The following HELB variants were observed in gnomAD, a reference collection of about 807,000 sequenced individuals.
HELB encodes DNA helicase B, also known as DNA 5'-3' helicase B.
HELB carries 96 observed loss-of-function variants against 101.7 expected under a neutral mutation model. The observed-to-expected ratio is 0.94, with a 90% CI of 0.80 to 1.12. The LOEUF (loss-of-function observed/expected upper bound fraction) is 1.12, where lower values mean the gene tolerates loss of function less well. Among genes scored for constraint, HELB ranks in the 50% most tolerant of loss-of-function variants. HELB has a pLI of 0.00. For missense variants in HELB, 1,210 were observed against 1,291.9 expected (o/e 0.94, Z 0.97); for synonymous variants, 437 against 459.7 (o/e 0.95, Z 0.63).
At chr12:66,330,364 G>GA (rs1218739434) in intron 11 of HELB, among the ~76,000 whole-genome samples, 3 of 151,570 alleles carry the variant, frequency 2.0e-5, no homozygotes, top group African/African-American at 7.2e-5. Context: ...ACAAGTAGGA[G>GA]AAAAAAAAGT....
In HELB at chr12:66,309,750, G is replaced by A; in HGVS notation, c.822G>A (p.Trp274Ter). ...AACTCCTGCGATGTGAGGCAAGTTG[G>A]ATAGCATTTTGTCAGTGTGAGTCTC... ...EWKLLRCEAS[W>*]IAFCQCESLL... Residue 274 changes from tryptophan (W) to a stop codon, truncating the protein, a stop_gained, in exon 4 of 13, where the codon TGG becomes TGA. Transcript: ENST00000247815. LOFTEE classifies it high-confidence loss of function. The A allele has an allele frequency of 6.2e-7, 1 of 1,613,486 alleles. No homozygotes were observed. The highest frequency in any genetic ancestry group is 1.1e-5 in the South Asian group (1 of 91,022).
At chr12:66,321,493 CAT>C (rs2053669931) in intron 7 of HELB, 1 of 159,218 alleles carries the variant, frequency 6.3e-6, no homozygotes, top group Non-Finnish European at 1.4e-5. Flanking sequence ...GCACCTACCA[CAT>C]GTGGGTGTCC....
intron 12 of HELB, among the ~76,000 whole-genome samples, chr12:66,333,124 G>A (rs190773560): frequency 5.1e-4 from 78 of 152,226 alleles, no homozygotes; most frequent in African/African-American, 1.2e-3. Flanking sequence ...CACCAGTGCC[G>A]GCTTTGTGGA....
In HELB at chr12:66,306,342, T is replaced by C. The variant is rs150847698; in HGVS notation, c.608-3T>C. The C allele has an allele frequency of 2.2e-5, 35 of 1,577,900 alleles. No homozygotes were observed. In the African/African-American group the frequency reaches 3.5e-4, roughly 16 times the overall value. On this transcript the variant is annotated splice_region_variant and splice_polypyrimidine_tract_variant and intron_variant, in intron 2 of 12. Transcript: ENST00000247815. ...TACTTTGTTCCTTTCTGATATCTTG[T>C]AGTTCCATTTAGAAATGTAATGACA...
At chr12:66,320,460 G>A (rs1460727882) in intron 7 of HELB, among the ~76,000 whole-genome samples, 1 of 152,132 alleles carries the variant, frequency 6.6e-6, no homozygotes, top group Non-Finnish European at 1.5e-5. Context: ...TCTTTTCACA[G>A]CTTAGTTAAT....
At chr12:66,304,495 C>T (rs373873574) in intron 1 of HELB, among the ~76,000 whole-genome samples, 1 of 152,080 alleles carries the variant, frequency 6.6e-6, no homozygotes, top group African/African-American at 2.4e-5. Flanking sequence ...ACTGTGCTTG[C>T]GTTTTGGAAT....
chr12:66,307,714 C>T (rs1054150131), intron 3 of HELB, among the ~76,000 whole-genome samples: 7 of 151,698 alleles, frequency 4.6e-5, no homozygotes, highest in Non-Finnish European at 1.0e-4. Context: ...TTCTTCCTTC[C>T]CTGCCACTAT....
rs1181610830 is a variant in HELB at position 66,338,160 on chromosome 12, C to A, written c.*58C>A. The A allele has an allele frequency of 3.0e-5, 30 of 1,007,930 alleles. No individual in the cohort carries two copies. Among genetic ancestry groups the A allele is most frequent in the Non-Finnish European group, 4.2e-5 (27 of 640,240 alleles). 62.4% of individuals were successfully genotyped at this position (1,007,930 alleles called of 1,614,324 possible). On this transcript the variant is annotated 3_prime_UTR_variant, in exon 13 of 13. Transcript: ENST00000247815. ...TTTCTATTGGAGACAAAATGAACAT[C>A]GTAACGTCAAAGTACCAAGATAAAA...
At chr12:66,312,406 A>G (rs2053555307) in intron 4 of HELB, among the ~76,000 whole-genome samples, 1 of 152,240 alleles carries the variant, frequency 6.6e-6, no homozygotes, top group African/African-American at 2.4e-5. Context: ...ATAGAGTCAT[A>G]GAGCCATGAG....
At chr12:66,306,580 T>G in intron 3 of HELB, 66 bp downstream of exon 3, 1 of 1,245,842 alleles carries the variant, frequency 8.0e-7, no homozygotes. Context: ...TTTGGCAATT[T>G]TCCTTTCTCT....
intron 7 of HELB, among the ~76,000 whole-genome samples, chr12:66,319,896 T>C (rs1465830245): frequency 1.3e-5 from 2 of 151,650 alleles, no homozygotes; most frequent in East Asian, 3.9e-4. Flanking sequence ...TTTTGTTTAT[T>C]GTAGAAACTT....
At chr12:66,310,708 A>G (rs1257087971) in intron 4 of HELB, 100 bp downstream of exon 4, 1 of 1,056,058 alleles carries the variant, frequency 9.5e-7, no homozygotes. Context: ...TGAGGCGGGC[A>G]GATCACAAGG....
At chr12:66,323,636 T>C (rs1362947925) in intron 9 of HELB, among the ~76,000 whole-genome samples, 3 of 152,104 alleles carry the variant, frequency 2.0e-5, no homozygotes, top group African/African-American at 4.8e-5. Context: ...ATAAGAGAGA[T>C]TGGAGAGCAG....
chr12:66,340,582 GGA>G (rs1449295778), downstream of HELB: 1 of 156,828 alleles, frequency 6.4e-6, no homozygotes, highest in African/African-American at 2.7e-5. Flanking sequence ...TACCCTAGAG[GGA>G]TACAACTAAT....
At chr12:66,302,905 G>T in intron 1 of HELB, 115 bp downstream of exon 1, 2 of 837,934 alleles carry the variant, frequency 2.4e-6, no homozygotes, top group Non-Finnish European at 1.8e-6. Context: ...GCTTATCAGT[G>T]GTCTAGCTGC....
intron 4 of HELB, 43 bp downstream of exon 4, chr12:66,310,651 G>T: frequency 1.3e-6 from 2 of 1,553,608 alleles, no homozygotes; most frequent in Non-Finnish European, 1.7e-6. Context: ...ACATTTGTCG[G>T]CCGGGCACAG....
chr12:66,312,785 A>T (rs2053559438), intron 4 of HELB, among the ~76,000 whole-genome samples: 1 of 152,262 alleles, frequency 6.6e-6, no homozygotes, highest in South Asian at 2.1e-4. Flanking sequence ...TTTATCAGAT[A>T]AAAATATGAA....
At chr12:66,328,773 A>C (rs974911515) in intron 11 of HELB, among the ~76,000 whole-genome samples, 1 of 152,184 alleles carries the variant, frequency 6.6e-6, no homozygotes, top group African/African-American at 2.4e-5. Flanking sequence ...GTAGTCTTTT[A>C]TTAATAACTT....
At chr12:66,314,213 G>C in intron 5 of HELB, 50 bp downstream of exon 5, 1 of 1,545,950 alleles carries the variant, frequency 6.5e-7, no homozygotes, top group Non-Finnish European at 8.9e-7. Flanking sequence ...AAGTATTGTG[G>C]TTAGTTGGTT....
Sources: gnomAD v4.1 joint callset for allele counts (sites outside exome capture counted in the v4.1 genomes callset) on GRCh38, gnomAD v4.1.1 for gene constraint, MANE v1.5 for transcripts, NCBI Gene and HGNC (gene_info 2026-07-23, HGNC 2026-07-21) for gene names.